CDH18: variants seen among roughly 807,000 people sequenced by gnomAD.
The protein encoded by CDH18 is cadherin-18.
Under a neutral mutation model 67.9 loss-of-function variants are expected in CDH18, and 31 were observed. The ratio of observed to expected loss-of-function variants is 0.46; its 90% CI spans 0.34 to 0.62. CDH18 has a LOEUF of 0.62. Among genes scored for constraint, CDH18 ranks in the 20% least tolerant of loss-of-function variants. The pLI is 0.01. For synonymous variants in CDH18, 362 were observed against 347.2 expected, an observed-to-expected ratio of 1.04 and a Z score of -0.48; for missense variants, 890 against 975.5, an observed-to-expected ratio of 0.91 and a Z score of 1.17.
intron 1 of CDH18, among the ~76,000 whole-genome samples, chr5:20,544,151 T>C (rs1757206304): frequency 2.0e-5 from 3 of 152,158 alleles, no homozygotes; most frequent in Admixed American, 1.3e-4. Flanking sequence ...CCAGATTTGA[T>C]TGTGGCCAAA....
intron 1 of CDH18, among the ~76,000 whole-genome samples, chr5:20,555,914 T>A (rs144749014): frequency 6.6e-6 from 1 of 152,260 alleles, no homozygotes; most frequent in East Asian, 1.9e-4. Flanking sequence ...CTAGACAAAA[T>A]CCATTATCCT....
At chr5:19,707,406 C>A (rs975769435) in intron 5 of CDH18, among the ~76,000 whole-genome samples, 6 of 152,178 alleles carry the variant, frequency 3.9e-5, no homozygotes, top group Non-Finnish European at 8.8e-5. Flanking sequence ...ACACAGAGAA[C>A]AATTATACTT....
At chr5:19,893,308 G>C (rs951635621) in intron 2 of CDH18, among the ~76,000 whole-genome samples, 2 of 152,126 alleles carry the variant, frequency 1.3e-5, no homozygotes, top group Admixed American at 6.6e-5. Context: ...AAATATATTT[G>C]TGTATGTTAA....
chr5:20,237,999 C>G (rs1286176126), intron 2 of CDH18, among the ~76,000 whole-genome samples: 9 of 151,858 alleles, frequency 5.9e-5, no homozygotes, highest in Admixed American at 2.0e-4. Context: ...TAAATAGGTG[C>G]AATTATATAT....
At chr5:19,772,511 A>G (rs7705221) in intron 3 of CDH18, among the ~76,000 whole-genome samples, 39,857 of 152,110 alleles carry the variant, frequency 0.26, 9,086 homozygotes, top group African/African-American at 0.62. Flanking sequence ...AAGCTGAAAA[A>G]AAACAGAATC....
chr5:19,942,628 A>G (rs769720977), intron 2 of CDH18, among the ~76,000 whole-genome samples: 3 of 152,092 alleles, frequency 2.0e-5, no homozygotes, highest in African/African-American at 4.8e-5. Flanking sequence ...AGTCCTTCCA[A>G]ATGAATTCCA....
At chr5:19,753,254 G>A (rs1233830573) in intron 3 of CDH18, among the ~76,000 whole-genome samples, 1 of 152,056 alleles carries the variant, frequency 6.6e-6, no homozygotes, top group Non-Finnish European at 1.5e-5. Flanking sequence ...ATAAAGGTAA[G>A]CCCAATGCAA....
intron 3 of CDH18, among the ~76,000 whole-genome samples, chr5:19,768,103 C>T (rs1773313920): frequency 6.6e-6 from 1 of 152,110 alleles, no homozygotes; most frequent in South Asian, 2.1e-4. Flanking sequence ...AAGCTACATA[C>T]CCCTAAAATT....
chr5:20,320,040 C>A (rs1580742896), intron 1 of CDH18, among the ~76,000 whole-genome samples: 1 of 152,248 alleles, frequency 6.6e-6, no homozygotes, highest in East Asian at 1.9e-4. Context: ...GCTAAGGACA[C>A]AATGCCACTC....
chr5:20,150,004 G>A (rs778331680), intron 2 of CDH18, among the ~76,000 whole-genome samples: 3 of 151,958 alleles, frequency 2.0e-5, no homozygotes, highest in Non-Finnish European at 4.4e-5. Context: ...ATGAACACAT[G>A]TTATAATTAA....
chr5:19,538,491 T>A (rs1292896600), intron 9 of CDH18, among the ~76,000 whole-genome samples: 2 of 152,190 alleles, frequency 1.3e-5, no homozygotes, highest in African/African-American at 4.8e-5. Flanking sequence ...ACTCATAATG[T>A]CATCTTTATC....
chr5:19,982,672 C>T (rs1182693660), intron 1 of CDH18, among the ~76,000 whole-genome samples: 2 of 152,110 alleles, frequency 1.3e-5, no homozygotes, highest in African/African-American at 4.8e-5. Context: ...TTGATTTTCA[C>T]TTCCACCAGG....
chr5:20,126,215 G>C (rs113451224), intron 2 of CDH18, among the ~76,000 whole-genome samples: 2 of 152,318 alleles, frequency 1.3e-5, no homozygotes, highest in South Asian at 2.1e-4. Flanking sequence ...GCTACGAAAG[G>C]ATAGACTTTT....
intron 10 of CDH18, among the ~76,000 whole-genome samples, chr5:19,519,503 T>C (rs1471943797): frequency 2.6e-5 from 4 of 152,182 alleles, no homozygotes; most frequent in Non-Finnish European, 5.9e-5. Flanking sequence ...TTTCCACTTC[T>C]GGATTCATCC....
intron 1 of CDH18, among the ~76,000 whole-genome samples, chr5:20,376,117 G>A (rs1415309714): frequency 2.0e-3 from 6 of 3,018 alleles, no homozygotes; most frequent in East Asian, 0.12. Flanking sequence ...TTTTTGAGAC[G>A]GAGTCTCCCT....
At chr5:20,003,721 T>C (rs2150404291) in intron 2 of CDH18, among the ~76,000 whole-genome samples, 1 of 152,166 alleles carries the variant, frequency 6.6e-6, no homozygotes, top group Non-Finnish European at 1.5e-5. Context: ...TGAAACCCCG[T>C]CTCTACTAAA....
intron 2 of CDH18, among the ~76,000 whole-genome samples, chr5:19,914,592 C>T (rs1791547135): frequency 6.6e-6 from 1 of 151,710 alleles, no homozygotes; most frequent in Admixed American, 6.6e-5. Context: ...ATGTATATAT[C>T]CACACACTAC....
At chr5:20,534,762 CA>C (rs1159293031) in intron 1 of CDH18, among the ~76,000 whole-genome samples, 1 of 151,886 alleles carries the variant, frequency 6.6e-6, no homozygotes, top group East Asian at 1.9e-4. Context: ...GAAACCTGAA[CA>C]TCAAAATTAT....
At chr5:19,819,178 T>C (rs1288409809) in intron 3 of CDH18, among the ~76,000 whole-genome samples, 1 of 151,978 alleles carries the variant, frequency 6.6e-6, no homozygotes, top group Non-Finnish European at 1.5e-5. Context: ...AAGAATAATA[T>C]ATATTGATTA....
Sources: allele counts gnomAD v4.1 joint callset (sites outside exome capture counted in the v4.1 genomes callset), GRCh38; gene constraint gnomAD v4.1.1; transcripts MANE v1.5; gene names NCBI Gene and HGNC (gene_info 2026-07-23, HGNC 2026-07-21).